ENTREP2: variants seen among roughly 807,000 people sequenced by gnomAD.
The protein encoded by ENTREP2 is endosomal transmembrane epsin interactor 2.
the ENTREP2 span, among the ~76,000 whole-genome samples, chr15:29,305,191 GC>G: frequency 6.6e-6 from 1 of 152,216 alleles, no homozygotes; most frequent in Non-Finnish European, 1.5e-5. Flanking sequence ...CTTATCAAAT[GC>G]AAAGATAAAT....
At chr15:29,177,646 C>G in the ENTREP2 span, among the ~76,000 whole-genome samples, 1 of 152,132 alleles carries the variant, frequency 6.6e-6, no homozygotes, top group Non-Finnish European at 1.5e-5. Flanking sequence ...TGGCCAGCAT[C>G]TGGACTCGTG....
At chr15:29,382,900 C>T in the ENTREP2 span, among the ~76,000 whole-genome samples, 1 of 152,174 alleles carries the variant, frequency 6.6e-6, no homozygotes, top group African/African-American at 2.4e-5. Context: ...CCCAAGGTTC[C>T]CCAGCAGTCA....
At chr15:29,415,949 G>A in the ENTREP2 span, among the ~76,000 whole-genome samples, 1 of 152,092 alleles carries the variant, frequency 6.6e-6, no homozygotes. Flanking sequence ...GGGATGTGAA[G>A]GACCTCTTCA....
the ENTREP2 span, among the ~76,000 whole-genome samples, chr15:29,419,216 T>C: frequency 7.9e-5 from 12 of 152,012 alleles, no homozygotes; most frequent in African/African-American, 2.9e-4. Context: ...TTATAGTTAT[T>C]ACGCCCAAGA....
chr15:29,406,587 T>C, the ENTREP2 span, among the ~76,000 whole-genome samples: 3 of 152,046 alleles, frequency 2.0e-5, no homozygotes, highest in African/African-American at 7.2e-5. Context: ...ATATTAAATA[T>C]ATGAATATAT....
the ENTREP2 span, among the ~76,000 whole-genome samples, chr15:29,481,187 G>T: frequency 2.6e-5 from 4 of 152,216 alleles, no homozygotes; most frequent in Non-Finnish European, 5.9e-5. Flanking sequence ...GCAGGCAGAG[G>T]CTGAGAAATC....
the ENTREP2 span, among the ~76,000 whole-genome samples, chr15:29,381,315 G>C: frequency 1.3e-5 from 2 of 151,090 alleles, no homozygotes; most frequent in South Asian, 4.2e-4. Flanking sequence ...AAATTAGCCG[G>C]GCATGGTGGC....
At chr15:29,536,156 A>AT in the ENTREP2 span, among the ~76,000 whole-genome samples, 1 of 152,180 alleles carries the variant, frequency 6.6e-6, no homozygotes, top group African/African-American at 2.4e-5. Context: ...CACATGACTT[A>AT]GGTCTGACCA....
At chr15:29,363,119 T>C in the ENTREP2 span, among the ~76,000 whole-genome samples, 1 of 152,114 alleles carries the variant, frequency 6.6e-6, no homozygotes, top group Non-Finnish European at 1.5e-5. Context: ...CTGCACTTAA[T>C]AAATGAAAGC....
At chr15:29,500,423 A>G in the ENTREP2 span, among the ~76,000 whole-genome samples, 2 of 152,162 alleles carry the variant, frequency 1.3e-5, no homozygotes, top group African/African-American at 4.8e-5. Context: ...TAAATTAAGA[A>G]ATCAATCACA....
the ENTREP2 span, among the ~76,000 whole-genome samples, chr15:29,553,910 G>C: frequency 7.2e-4 from 109 of 152,256 alleles, no homozygotes; most frequent in African/African-American, 2.5e-3. Context: ...CAGCAGAGCC[G>C]TTCCAAATTC....
At chr15:29,552,233 C>T in the ENTREP2 span, among the ~76,000 whole-genome samples, 2 of 151,960 alleles carry the variant, frequency 1.3e-5, no homozygotes, top group African/African-American at 4.8e-5. Flanking sequence ...CAAAAAAACT[C>T]GGGAGACAGA....
the ENTREP2 span, chr15:29,269,857 G>T: frequency 1.4e-6 from 1 of 733,356 alleles, no homozygotes; most frequent in Non-Finnish European, 2.0e-6. Flanking sequence ...CCTTGCGTCA[G>T]GGCGGCTGGG....
At chr15:29,635,513 A>C in the ENTREP2 span, among the ~76,000 whole-genome samples, 1 of 152,152 alleles carries the variant, frequency 6.6e-6, no homozygotes, top group African/African-American at 2.4e-5. Flanking sequence ...GGGGACACAG[A>C]GGACACAGAG....
chr15:29,517,240 A>G, the ENTREP2 span, among the ~76,000 whole-genome samples: 2 of 152,152 alleles, frequency 1.3e-5, no homozygotes, highest in Non-Finnish European at 2.9e-5. Context: ...AAATGATAAT[A>G]TTAGTGTGCC....
chr15:29,334,132 C>T, the ENTREP2 span, among the ~76,000 whole-genome samples: 1 of 152,308 alleles, frequency 6.6e-6, no homozygotes, highest in Admixed American at 6.5e-5. Flanking sequence ...GTCTATCGTA[C>T]TTTGTTATGG....
chr15:29,255,444 G>C, the ENTREP2 span, among the ~76,000 whole-genome samples: 1 of 152,204 alleles, frequency 6.6e-6, no homozygotes, highest in African/African-American at 2.4e-5. Context: ...TTCAGCCACT[G>C]TGGAAAGCAA....
At chr15:29,339,520 G>C in the ENTREP2 span, among the ~76,000 whole-genome samples, 1 of 152,188 alleles carries the variant, frequency 6.6e-6, no homozygotes, top group Non-Finnish European at 1.5e-5. Flanking sequence ...CGCTGTAACA[G>C]GCTCAGTGCT....
chr15:29,467,732 A>G, the ENTREP2 span, among the ~76,000 whole-genome samples: 2 of 152,212 alleles, frequency 1.3e-5, no homozygotes, highest in African/African-American at 2.4e-5. Context: ...AGCCCAATTA[A>G]GACCATCTAT....
Sources: allele counts gnomAD v4.1 joint callset (sites outside exome capture counted in the v4.1 genomes callset), GRCh38; gene constraint gnomAD v4.1.1; transcripts MANE v1.5; gene names NCBI Gene and HGNC (gene_info 2026-07-23, HGNC 2026-07-21).